Variants in TBC1D4 observed in about 807,000 individuals in gnomAD.
TBC1D4 encodes TBC1 domain family member 4, also known as TBC (Tre-2, BUB2, CDC16) domain-containing protein.
In TBC1D4, 121 loss-of-function variants were observed where a neutral mutation model predicts 142.5. The observed-to-expected ratio is 0.85, with a 90% CI of 0.73 to 0.99. TBC1D4 has a LOEUF of 0.99. Among genes scored for constraint, TBC1D4 ranks in the 50% least tolerant of loss-of-function variants. The pLI, the probability that TBC1D4 is intolerant of heterozygous loss-of-function variation, is 0.00. For missense variants in TBC1D4, 1,475 were observed against 1,606.6 expected (o/e 0.92, Z 1.40); for synonymous variants, 630 against 628.2 (o/e 1.00, Z -0.04).
At chr13:75,353,853 C>T (rs190650826) in intron 4 of TBC1D4, among the ~76,000 whole-genome samples, 2 of 152,142 alleles carry the variant, frequency 1.3e-5, no homozygotes, top group South Asian at 2.1e-4. Context: ...CCTTCCCAGC[C>T]GGACAGTATG....
At chr13:75,305,032 G>A (rs61962782) in intron 15 of TBC1D4, among the ~76,000 whole-genome samples, 1,773 of 152,224 alleles carry the variant, frequency 0.012, 13 homozygotes, top group Middle Eastern at 0.034. Context: ...AGAAGGACCC[G>A]GTGGGACATA....
intron 3 of TBC1D4, 127 bp from the exon 4 acceptor site, chr13:75,356,378 G>A (rs187760894): frequency 2.7e-6 from 2 of 740,098 alleles, no homozygotes; most frequent in African/African-American, 1.7e-5. Context: ...AGCAATGAAG[G>A]GGGGACATAA....
At position 75,289,078 on chromosome 13, in the gene TBC1D4, A is replaced by G. The variant is rs1274182477; in HGVS notation, c.3519T>C (p.His1173=). ...GCACATGATATTCCACCTCATAGGC[A>G]TGCAACTGCTTAGAAATATCCATCT... The part of the protein sequence containing the change: ...VFEMDISKQL[H]AYEVEYHVLQ... The change falls in exon 20 of 21, where the codon CAT becomes CAC. Residue 1173 remains histidine, a synonymous_variant. Coordinates refer to ENST00000377636, the MANE Select transcript of TBC1D4 (RefSeq NM_014832.5). 32 of 1,613,810 alleles carry G rather than the reference A, an allele frequency of 2.0e-5. No individual in the cohort carries two copies. Among genetic ancestry groups the G allele is most frequent in the Non-Finnish European group, 2.7e-5 (32 of 1,179,872 alleles).
chr13:75,355,845 T>A (rs747980185), intron 4 of TBC1D4, among the ~76,000 whole-genome samples: 1 of 152,226 alleles, frequency 6.6e-6, no homozygotes. Flanking sequence ...TCTTCTCATA[T>A]GAGCAATGAA....
chr13:75,309,343 A>G (rs936081094), intron 14 of TBC1D4, among the ~76,000 whole-genome samples: 1 of 152,154 alleles, frequency 6.6e-6, no homozygotes, highest in Non-Finnish European at 1.5e-5. Context: ...TCTATTATAA[A>G]TTATTTGATT....
chr13:75,441,232 G>T (rs1169227221), intron 1 of TBC1D4, among the ~76,000 whole-genome samples: 2 of 152,078 alleles, frequency 1.3e-5, no homozygotes, highest in African/African-American at 2.4e-5. Context: ...CTCCAGCTCG[G>T]GCAACAGTGT....
intron 10 of TBC1D4, among the ~76,000 whole-genome samples, 157 bp from the exon 11 acceptor site, chr13:75,324,558 G>A (rs1200550195): frequency 6.6e-6 from 1 of 152,112 alleles, no homozygotes; most frequent in East Asian, 1.9e-4. Context: ...GAAGAAGCAT[G>A]CAGTTCTCTA....
chr13:75,326,499 A>G, intron 9 of TBC1D4, 76 bp from the exon 10 acceptor site: 1 of 1,472,860 alleles, frequency 6.8e-7, no homozygotes, highest in South Asian at 1.2e-5. Context: ...AGAGCTCAAA[A>G]GTGACAGTGT....
chr13:75,315,431 T>TATATATATACACAC (rs1392466878), intron 12 of TBC1D4, among the ~76,000 whole-genome samples: 1 of 149,694 alleles, frequency 6.7e-6, no homozygotes, highest in Admixed American at 6.7e-5. Context: ...CACACATATA[T>TATATATATACACAC]ATATATATAT....
chr13:75,471,964 G>A (rs758874624), intron 1 of TBC1D4, among the ~76,000 whole-genome samples: 31 of 151,788 alleles, frequency 2.0e-4, no homozygotes, highest in African/African-American at 4.1e-4. Context: ...AAAATTTGCC[G>A]GACATGGTGG....
intron 1 of TBC1D4, among the ~76,000 whole-genome samples, chr13:75,368,652 T>C (rs752475236): frequency 2.6e-5 from 4 of 152,230 alleles, no homozygotes; most frequent in Non-Finnish European, 4.4e-5. Context: ...TTGTGCCTTC[T>C]TATCCTATGA....
At chr13:75,448,265 A>G (rs1290728143) in intron 1 of TBC1D4, among the ~76,000 whole-genome samples, 1 of 152,162 alleles carries the variant, frequency 6.6e-6, no homozygotes, top group Non-Finnish European at 1.5e-5. Context: ...AGTTGGATGC[A>G]GTGTTTTTAC....
chr13:75,309,171 A>G (rs1877492064), intron 14 of TBC1D4, among the ~76,000 whole-genome samples: 1 of 152,188 alleles, frequency 6.6e-6, no homozygotes, highest in African/African-American at 2.4e-5. Context: ...TTTTCCCAAA[A>G]TAATGAAATT....
At chr13:75,439,251 T>C (rs7323209) in intron 1 of TBC1D4, among the ~76,000 whole-genome samples, 14,847 of 152,202 alleles carry the variant, frequency 0.098, 1,258 homozygotes, top group African/African-American at 0.23. Context: ...CATAACTTCA[T>C]GTATAAAGTT....
chr13:75,467,907 A>G (rs1220806111), intron 1 of TBC1D4, among the ~76,000 whole-genome samples: 1 of 152,178 alleles, frequency 6.6e-6, no homozygotes, highest in African/African-American at 2.4e-5. Flanking sequence ...CCAGAATACA[A>G]ACCCTGTATC....
Position 75,362,001 on chromosome 13 carries a change from G to A in TBC1D4, c.1080+25C>T. Reference sequence around the variant, plus strand: ...CCATCTGGCACCTTTTGGGGCAAGGGCAGACAGCGTCCGATCAGGTGTACC... The same window carrying A: ...CCATCTGGCACCTTTTGGGGCAAGGACAGACAGCGTCCGATCAGGTGTACC... On this transcript the variant is annotated intron_variant, in intron 2 of 20. Coordinates refer to ENST00000377636, the MANE Select transcript of TBC1D4 (RefSeq NM_014832.5). This position sits in a 1 kb window ranked among gnomAD's most constrained non-coding sequence, Gnocchi z 4.2. 6.2e-7 allele frequency: 1 copy of A among 1,613,694 alleles called. No individual in the cohort carries two copies. The highest frequency in any genetic ancestry group is 8.5e-7 in the Non-Finnish European group (1 of 1,179,706).
chr13:75,405,551 C>A (rs529992443), intron 1 of TBC1D4, among the ~76,000 whole-genome samples: 1 of 152,140 alleles, frequency 6.6e-6, no homozygotes, highest in Non-Finnish European at 1.5e-5. Flanking sequence ...AGATTACAGG[C>A]GTGAGCCACT....
intron 8 of TBC1D4, among the ~76,000 whole-genome samples, chr13:75,333,956 A>G (rs892149179): frequency 1.3e-5 from 2 of 152,204 alleles, no homozygotes; most frequent in Non-Finnish European, 2.9e-5. Context: ...CCACAGAAGC[A>G]GTTCTGTTTC....
At chr13:75,391,632 C>T (rs1884495651) in intron 1 of TBC1D4, among the ~76,000 whole-genome samples, 1 of 152,348 alleles carries the variant, frequency 6.6e-6, no homozygotes, top group Middle Eastern at 3.4e-3. Flanking sequence ...TCTCTCAGAA[C>T]TCTAATCCTT....
Sources: allele counts gnomAD v4.1 joint callset (sites outside exome capture counted in the v4.1 genomes callset), GRCh38; gene constraint gnomAD v4.1.1; non-coding constraint Gnocchi (gnomAD v3.1); transcripts MANE v1.5; gene names NCBI Gene and HGNC (gene_info 2026-07-23, HGNC 2026-07-21).